Variants in EXOC4 observed in about 807,000 individuals in gnomAD.
EXOC4 encodes exocyst complex component 4, also known as SEC8-like 1.
EXOC4 carries 71 observed loss-of-function variants against 107.2 expected under a neutral mutation model. The observed-to-expected ratio is 0.66, with a 90% CI of 0.55 to 0.81. The LOEUF (loss-of-function observed/expected upper bound fraction) is 0.81. Among genes scored for constraint, EXOC4 ranks in the 30% least tolerant of loss-of-function variants. The pLI, the probability that EXOC4 is intolerant of heterozygous loss-of-function variation, is 0.00. For missense variants in EXOC4, 1,108 were observed against 1,189.6 expected, an observed-to-expected ratio of 0.93 and a Z score of 1.01; for synonymous variants, 456 against 441.2, an observed-to-expected ratio of 1.03 and a Z score of -0.42.
intron 10 of EXOC4, among the ~76,000 whole-genome samples, chr7:133,746,245 C>T (rs1282912386): frequency 6.6e-6 from 1 of 152,042 alleles, no homozygotes; most frequent in Non-Finnish European, 1.5e-5. Context: ...ATTTAATTTT[C>T]CCCTATTCTG....
At chr7:133,363,002 T>G (rs1149558) in intron 6 of EXOC4, among the ~76,000 whole-genome samples, 2 of 152,038 alleles carry the variant, frequency 1.3e-5, no homozygotes, top group African/African-American at 4.8e-5. Context: ...CACCTGGACA[T>G]GCTTGGAATC....
intron 6 of EXOC4, among the ~76,000 whole-genome samples, chr7:133,367,161 C>G (rs1031998832): frequency 1.3e-5 from 2 of 152,098 alleles, no homozygotes; most frequent in Admixed American, 6.6e-5. Flanking sequence ...GGGGAGTAAT[C>G]TGGCTAAGGG....
intron 9 of EXOC4, among the ~76,000 whole-genome samples, chr7:133,522,625 C>T (rs1800001085): frequency 6.6e-6 from 1 of 152,022 alleles, no homozygotes; most frequent in South Asian, 2.1e-4. Flanking sequence ...TTGTTTTCAA[C>T]TGAATCATAA....
At chr7:133,625,249 A>G (rs192667328) in intron 9 of EXOC4, among the ~76,000 whole-genome samples, 216 of 152,340 alleles carry the variant, frequency 1.4e-3, no homozygotes, top group African/African-American at 5.0e-3. Context: ...GGAGAAGAGC[A>G]TACTAGGCAC....
At chr7:134,068,418 T>G (rs936684114), downstream of EXOC4, among the ~76,000 whole-genome samples, 1 of 152,148 alleles carries the variant, frequency 6.6e-6, no homozygotes, top group African/African-American at 2.4e-5. Flanking sequence ...CCCACACATT[T>G]CTCCTTGCCT....
intron 11 of EXOC4, among the ~76,000 whole-genome samples, chr7:133,853,086 A>C (rs993978788): frequency 2.0e-5 from 3 of 152,154 alleles, no homozygotes; most frequent in African/African-American, 7.2e-5. Context: ...CTGTAGCCTA[A>C]GGTAGAGAAG....
intron 7 of EXOC4, among the ~76,000 whole-genome samples, chr7:133,404,910 A>G (rs1020621785): frequency 1.7e-5 from 2 of 117,636 alleles, no homozygotes; most frequent in African/African-American, 6.8e-5. Flanking sequence ...ACACGCACAC[A>G]CACACACACA....
chr7:133,309,672 G>T (rs1473553995), intron 4 of EXOC4, among the ~76,000 whole-genome samples: 2 of 152,212 alleles, frequency 1.3e-5, no homozygotes, highest in East Asian at 3.8e-4. Flanking sequence ...GGGCGTGGAG[G>T]CTCACGCCTG....
At chr7:133,945,129 T>C (rs374705978) in intron 14 of EXOC4, among the ~76,000 whole-genome samples, 4 of 152,304 alleles carry the variant, frequency 2.6e-5, no homozygotes, top group African/African-American at 9.6e-5. Flanking sequence ...GATTTTGATG[T>C]AATTGTTCCT....
intron 9 of EXOC4, among the ~76,000 whole-genome samples, chr7:133,552,743 A>G (rs760495351): frequency 2.6e-5 from 4 of 152,174 alleles, no homozygotes; most frequent in Non-Finnish European, 4.4e-5. Flanking sequence ...TATTCATAGC[A>G]TCTGGCACAG....
chr7:133,580,501 G>A (rs914409176), intron 9 of EXOC4, among the ~76,000 whole-genome samples: 2 of 152,054 alleles, frequency 1.3e-5, no homozygotes, highest in East Asian at 3.8e-4. Context: ...CCTCGCCAAC[G>A]CTCCTACATT....
At chr7:133,639,616 G>A (rs1413232189) in intron 10 of EXOC4, among the ~76,000 whole-genome samples, 1 of 152,104 alleles carries the variant, frequency 6.6e-6, no homozygotes, top group Non-Finnish European at 1.5e-5. Flanking sequence ...GAAGAAGGTG[G>A]AAGCATCATA....
chr7:133,927,145 A>T (rs1033713498), intron 13 of EXOC4, among the ~76,000 whole-genome samples: 1 of 152,114 alleles, frequency 6.6e-6, no homozygotes, highest in Non-Finnish European at 1.5e-5. Flanking sequence ...TAAAAAAAAA[A>T]AAAAATGGGG....
chr7:133,740,059 T>C (rs1248195591), intron 10 of EXOC4, among the ~76,000 whole-genome samples: 1 of 152,192 alleles, frequency 6.6e-6, no homozygotes, highest in African/African-American at 2.4e-5. Context: ...CATCAATTTA[T>C]GGCATCCAGT....
At chr7:134,094,923 ACTC>A in the EXOC4 span, among the ~76,000 whole-genome samples, 2 of 151,924 alleles carry the variant, frequency 1.3e-5, no homozygotes, top group Non-Finnish European at 2.9e-5. Flanking sequence ...TACTCTCACT[ACTC>A]CTATTCAACA....
intron 9 of EXOC4, among the ~76,000 whole-genome samples, chr7:133,502,412 T>G (rs762304039): frequency 5.9e-5 from 9 of 152,158 alleles, no homozygotes; most frequent in Non-Finnish European, 1.2e-4. Flanking sequence ...CTCTCATAAA[T>G]TTTTCTTGGA....
chr7:133,745,520 TATTAA>T (rs1306665443), intron 10 of EXOC4, among the ~76,000 whole-genome samples: 1 of 152,214 alleles, frequency 6.6e-6, no homozygotes, highest in East Asian at 1.9e-4. Context: ...AACAAAAACT[TATTAA>T]ATTATGTCTG....
At chr7:133,544,483 T>C (rs1300843704) in intron 9 of EXOC4, among the ~76,000 whole-genome samples, 1 of 152,158 alleles carries the variant, frequency 6.6e-6, no homozygotes, top group African/African-American at 2.4e-5. Flanking sequence ...TGAAATTGTC[T>C]TTTCTTTGTC....
intron 10 of EXOC4, among the ~76,000 whole-genome samples, chr7:133,778,401 G>T (rs1267586932): frequency 6.6e-6 from 1 of 152,132 alleles, no homozygotes; most frequent in East Asian, 1.9e-4. Flanking sequence ...ACCAGCCTAG[G>T]CAACATACGG....
Sources: gnomAD v4.1 joint callset for allele counts (sites outside exome capture counted in the v4.1 genomes callset) on GRCh38, gnomAD v4.1.1 for gene constraint, MANE v1.5 for transcripts, NCBI Gene and HGNC (gene_info 2026-07-23, HGNC 2026-07-21) for gene names.